Variants in IL1RAPL1 observed in about 807,000 individuals in gnomAD.
The protein encoded by IL1RAPL1 is interleukin 1 receptor accessory protein like 1.
In IL1RAPL1, 3 loss-of-function variants were observed where a neutral mutation model predicts 48.4. The ratio of observed to expected loss-of-function variants is 0.06; its 90% CI spans 0.03 to 0.16. The LOEUF (loss-of-function observed/expected upper bound fraction) is 0.16. IL1RAPL1 is among the 10% of genes least tolerant of loss of function. IL1RAPL1 has a pLI of 1.00. For synonymous variants in IL1RAPL1, 185 were observed against 187.7 expected, an observed-to-expected ratio of 0.99 and a Z score of 0.12; for missense variants, 349 against 530.6, an observed-to-expected ratio of 0.66 and a Z score of 3.36.
chrX:29,343,440 G>C (rs1433949500), intron 3 of IL1RAPL1, among the ~76,000 whole-genome samples: 1 of 111,134 alleles, frequency 9.0e-6, no homozygotes, highest in Non-Finnish European at 1.9e-5. Context: ...CTTTCCTTGG[G>C]CTAATGTAGA....
intron 6 of IL1RAPL1, among the ~76,000 whole-genome samples, chrX:29,742,314 T>TG (rs1357373950): frequency 9.0e-6 from 1 of 111,711 alleles, no homozygotes; most frequent in Non-Finnish European, 1.9e-5. Flanking sequence ...CTACTGAAAA[T>TG]GAAACAGGAG....
intron 2 of IL1RAPL1, among the ~76,000 whole-genome samples, chrX:29,266,393 GAGA>G (rs760255545): frequency 1.5e-4 from 17 of 111,840 alleles, no homozygotes; most frequent in African/African-American, 5.2e-4. Flanking sequence ...TCAATTGTGC[GAGA>G]AGGAGTCACC....
intron 1 of IL1RAPL1, among the ~76,000 whole-genome samples, chrX:28,609,134 TA>T (rs1355120020): frequency 8.9e-6 from 1 of 112,327 alleles, no homozygotes; most frequent in African/African-American, 3.2e-5. Flanking sequence ...GGGGGAATTG[TA>T]ACTTGGGCAG....
At chrX:29,894,796 G>A (rs947186430) in intron 6 of IL1RAPL1, among the ~76,000 whole-genome samples, 40 of 110,987 alleles carry the variant, frequency 3.6e-4, no homozygotes, top group African/African-American at 6.6e-5. Context: ...TTCATGGGGT[G>A]GGGAAGGGGG....
At chrX:28,929,593 A>G (rs1923828476) in intron 2 of IL1RAPL1, among the ~76,000 whole-genome samples, 1 of 112,493 alleles carries the variant, frequency 8.9e-6, no homozygotes, top group African/African-American at 3.2e-5. Flanking sequence ...ACAGTGAATA[A>G]TATCTTTGAT....
chrX:28,783,499 T>C (rs112289685), intron 1 of IL1RAPL1, among the ~76,000 whole-genome samples: 1,169 of 82,989 alleles, frequency 0.014, 17 homozygotes, highest in African/African-American at 0.056. Flanking sequence ...CTGTTTAGAA[T>C]TGTGTTAAAA....
chrX:29,617,209 A>G (rs1410859073), intron 5 of IL1RAPL1, among the ~76,000 whole-genome samples: 1 of 112,299 alleles, frequency 8.9e-6, no homozygotes, highest in Non-Finnish European at 1.9e-5. Context: ...AAAGGTGCCC[A>G]GGATTTAATT....
chrX:28,975,057 T>A (rs1288284825), intron 2 of IL1RAPL1, among the ~76,000 whole-genome samples: 1 of 112,273 alleles, frequency 8.9e-6, no homozygotes, highest in Non-Finnish European at 1.9e-5. Flanking sequence ...TGCATTCAAG[T>A]AAATTATTAT....
intron 5 of IL1RAPL1, among the ~76,000 whole-genome samples, chrX:29,535,444 C>T (rs1326956407): frequency 8.9e-6 from 1 of 111,794 alleles, no homozygotes; most frequent in Non-Finnish European, 1.9e-5. Flanking sequence ...TCACTTTTAT[C>T]AACTAGCACT....
chrX:28,780,325 GTGTGTGTA>G (rs1416563393), intron 1 of IL1RAPL1, among the ~76,000 whole-genome samples: 11 of 75,609 alleles, frequency 1.5e-4, no homozygotes, highest in Non-Finnish European at 2.2e-4. Flanking sequence ...ATCACAGTGT[GTGTGTGTA>G]TGTGTGTGTG....
chrX:29,717,498 C>T (rs374475046), intron 6 of IL1RAPL1, among the ~76,000 whole-genome samples: 1 of 112,137 alleles, frequency 8.9e-6, no homozygotes, highest in East Asian at 2.8e-4. Flanking sequence ...AAACATTTTG[C>T]TGAAGAAAGA....
At chrX:29,301,865 A>G (rs1006496030) in intron 3 of IL1RAPL1, among the ~76,000 whole-genome samples, 1 of 111,242 alleles carries the variant, frequency 9.0e-6, no homozygotes, top group Non-Finnish European at 1.9e-5. Flanking sequence ...CTCTGAGGCT[A>G]CACGAGATAG....
intron 6 of IL1RAPL1, among the ~76,000 whole-genome samples, chrX:29,710,181 G>C (rs1927300718): frequency 9.0e-6 from 1 of 111,316 alleles, no homozygotes; most frequent in Admixed American, 9.6e-5. Context: ...GCCCCAGGTA[G>C]GATTTTCAGC....
intron 2 of IL1RAPL1, among the ~76,000 whole-genome samples, chrX:28,872,912 G>T (rs1021943095): frequency 9.0e-6 from 1 of 111,238 alleles, no homozygotes; most frequent in African/African-American, 3.3e-5. Flanking sequence ...ACCTACAAAA[G>T]ATAAATATGA....
chrX:29,856,891 C>T (rs1433631151), intron 6 of IL1RAPL1, among the ~76,000 whole-genome samples: 5 of 111,581 alleles, frequency 4.5e-5, no homozygotes. Context: ...TAGCAGTATT[C>T]AGCAATGCAT....
At chrX:29,071,486 A>G (rs1375515150) in intron 2 of IL1RAPL1, among the ~76,000 whole-genome samples, 1 of 112,007 alleles carries the variant, frequency 8.9e-6, no homozygotes, top group Non-Finnish European at 1.9e-5. Flanking sequence ...TCAAGTATTT[A>G]TGCCATTATT....
intron 5 of IL1RAPL1, among the ~76,000 whole-genome samples, chrX:29,646,337 C>G (rs1925325641): frequency 9.0e-6 from 1 of 111,182 alleles, no homozygotes; most frequent in African/African-American, 3.3e-5. Flanking sequence ...AGAGAATCAA[C>G]AAAAGTATTC....
intron 1 of IL1RAPL1, among the ~76,000 whole-genome samples, chrX:28,717,172 G>T (rs1935513423): frequency 8.9e-6 from 1 of 111,922 alleles, no homozygotes; most frequent in Non-Finnish European, 1.9e-5. Context: ...AATATAAATT[G>T]TTCTATCACA....
At chrX:29,535,573 C>T (rs192358284) in intron 5 of IL1RAPL1, among the ~76,000 whole-genome samples, 12 of 111,931 alleles carry the variant, frequency 1.1e-4, no homozygotes, top group Non-Finnish European at 1.3e-4. Flanking sequence ...ACTGATAAAT[C>T]CTTTCATGTT....
Sources: allele counts gnomAD v4.1 joint callset (sites outside exome capture counted in the v4.1 genomes callset), GRCh38; gene constraint gnomAD v4.1.1; transcripts MANE v1.5; gene names NCBI Gene and HGNC (gene_info 2026-07-23, HGNC 2026-07-21).